HSD17B12: variants seen among roughly 807,000 people sequenced by gnomAD.
The protein encoded by HSD17B12 is very-long-chain 3-oxoacyl-CoA reductase.
HSD17B12 carries 32 observed loss-of-function variants against 39.3 expected under a neutral mutation model. The observed-to-expected ratio is 0.81, with a 90% CI of 0.61 to 1.09. The LOEUF (loss-of-function observed/expected upper bound fraction) is 1.09. Among genes scored for constraint, HSD17B12 ranks in the 50% least tolerant of loss-of-function variants. HSD17B12 has a pLI of 0.00. For missense variants in HSD17B12, 342 were observed against 382.9 expected, an observed-to-expected ratio of 0.89 and a Z score of 0.89; for synonymous variants, 150 against 146.7, an observed-to-expected ratio of 1.02 and a Z score of -0.16.
the HSD17B12 span, among the ~76,000 whole-genome samples, chr11:43,562,727 A>G: frequency 6.6e-6 from 1 of 152,128 alleles, no homozygotes; most frequent in South Asian, 2.1e-4. Context: ...TTCCACATAC[A>G]CAAGGTAAAG....
chr11:43,767,358 T>A (rs1950605155), intron 3 of HSD17B12, among the ~76,000 whole-genome samples: 1 of 152,194 alleles, frequency 6.6e-6, no homozygotes, highest in Non-Finnish European at 1.5e-5. Context: ...CCTTCAGCTA[T>A]AAAAGAATTT....
chr11:43,761,179 T>C (rs1950552233), intron 3 of HSD17B12, among the ~76,000 whole-genome samples: 1 of 152,208 alleles, frequency 6.6e-6, no homozygotes, highest in South Asian at 2.1e-4. Flanking sequence ...TTAAATGAAA[T>C]TTACCATTAA....
the HSD17B12 span, chr11:43,569,913 T>C: frequency 6.5e-6 from 1 of 152,676 alleles, no homozygotes. Context: ...TAACCCCTCA[T>C]TGACCACCAT....
At chr11:43,794,625 G>C (rs1261422249) in intron 3 of HSD17B12, among the ~76,000 whole-genome samples, 2 of 152,252 alleles carry the variant, frequency 1.3e-5, no homozygotes, top group Middle Eastern at 3.4e-3. Context: ...CATTCACCGG[G>C]ATCAGCCATT....
intron 6 of HSD17B12, chr11:43,829,706 C>T (rs1165749589): frequency 6.6e-6 from 1 of 152,064 alleles, no homozygotes; most frequent in Non-Finnish European, 1.5e-5. Flanking sequence ...GACACACATA[C>T]ACCTGGGTAA....
At chr11:43,753,694 G>A (rs988169242) in intron 2 of HSD17B12, among the ~76,000 whole-genome samples, 5 of 151,528 alleles carry the variant, frequency 3.3e-5, no homozygotes, top group Non-Finnish European at 7.4e-5. Context: ...GATTACAGGC[G>A]TGAACCACTG....
chr11:43,734,983 G>A (rs953282616), intron 1 of HSD17B12, among the ~76,000 whole-genome samples: 2 of 152,018 alleles, frequency 1.3e-5, no homozygotes, highest in African/African-American at 4.8e-5. Context: ...TTCCTCTATG[G>A]ACTTACCTAT....
the HSD17B12 span, among the ~76,000 whole-genome samples, chr11:43,634,929 C>T: frequency 1.3e-5 from 2 of 152,192 alleles, no homozygotes; most frequent in South Asian, 4.2e-4. Flanking sequence ...TAGAATATGG[C>T]CTGGGTATTA....
intron 6 of HSD17B12, chr11:43,829,560 A>G (rs1951286597): frequency 1.3e-5 from 2 of 152,290 alleles, no homozygotes; most frequent in South Asian, 2.1e-4. Flanking sequence ...CCTGCCCCCA[A>G]TATTCCAACT....
intron 4 of HSD17B12, among the ~76,000 whole-genome samples, chr11:43,799,310 T>C (rs2135046882): frequency 6.6e-6 from 1 of 152,200 alleles, no homozygotes; most frequent in East Asian, 1.9e-4. Context: ...TCTGCCCCAG[T>C]TGAAAATGGA....
intron 1 of HSD17B12, among the ~76,000 whole-genome samples, chr11:43,702,487 T>G (rs1949973807): frequency 6.6e-6 from 1 of 152,234 alleles, no homozygotes. Context: ...GTTCCTGCTA[T>G]ACCCAGTTTT....
At chr11:43,580,452 G>A in the HSD17B12 span, among the ~76,000 whole-genome samples, 1 of 152,140 alleles carries the variant, frequency 6.6e-6, no homozygotes. Context: ...TACTGAGACG[G>A]TTTCGGGGAG....
intron 1 of HSD17B12, among the ~76,000 whole-genome samples, chr11:43,689,739 G>T (rs1949835096): frequency 6.6e-6 from 1 of 151,774 alleles, no homozygotes; most frequent in African/African-American, 2.4e-5. Flanking sequence ...ATTAGAGACG[G>T]GGTTTCACCA....
chr11:43,646,706 C>T, the HSD17B12 span, among the ~76,000 whole-genome samples: 1 of 152,178 alleles, frequency 6.6e-6, no homozygotes, highest in Non-Finnish European at 1.5e-5. Context: ...CCCTTCCAGA[C>T]ATTTGCCAGT....
At chr11:43,743,182 G>A (rs1352165672) in intron 1 of HSD17B12, among the ~76,000 whole-genome samples, 1 of 152,166 alleles carries the variant, frequency 6.6e-6, no homozygotes, top group Non-Finnish European at 1.5e-5. Flanking sequence ...CTCAACTAAA[G>A]TTAGTGTACT....
At chr11:43,803,873 A>G (rs1372742419) in intron 4 of HSD17B12, among the ~76,000 whole-genome samples, 1 of 152,224 alleles carries the variant, frequency 6.6e-6, no homozygotes, top group Non-Finnish European at 1.5e-5. Flanking sequence ...CTATTTAGAG[A>G]AAATGACATC....
chr11:43,616,797 T>TAAAAAA, the HSD17B12 span, among the ~76,000 whole-genome samples: 1 of 59,724 alleles, frequency 1.7e-5, no homozygotes, highest in Admixed American at 2.4e-4. Flanking sequence ...GTGCCCAAAC[T>TAAAAAA]AAAAAAAAAA....
At chr11:43,673,487 CTTTTCTT>C in the HSD17B12 span, 27 of 70,360 alleles carry the variant, frequency 3.8e-4, no homozygotes, top group African/African-American at 6.7e-4. Flanking sequence ...CTTTTCTTTT[CTTTTCTT>C]TTTTTTTTTT....
chr11:43,680,872 C>T lies in HSD17B12; in HGVS notation c.45C>T (p.Gly15=). The T allele has an allele frequency of 6.2e-7, 1 of 1,614,130 alleles. No homozygotes were observed. Among genetic ancestry groups the T allele is most frequent in the Non-Finnish European group, 8.5e-7 (1 of 1,180,038 alleles). ...CCGCCGGCTTCCTGTACTGGGTCGG[C>T]GCGGGCACCGTGGCCTACCTAGCCC... ...LPAAGFLYWV[G]AGTVAYLALR... is the part of the protein sequence containing the mutation. The change falls in exon 1 of 11, where the codon GGC becomes GGT. Residue 15 remains glycine, a synonymous_variant. Transcript: ENST00000278353.
Sources: allele counts gnomAD v4.1 joint callset (sites outside exome capture counted in the v4.1 genomes callset), GRCh38; gene constraint gnomAD v4.1.1; transcripts MANE v1.5; gene names NCBI Gene and HGNC (gene_info 2026-07-23, HGNC 2026-07-21).